RIMS1: variants seen among roughly 807,000 people sequenced by gnomAD.
RIMS1 encodes the protein regulating synaptic membrane exocytosis protein 1.
RIMS1 carries 83 observed loss-of-function variants against 214.1 expected under a neutral mutation model. The observed-to-expected ratio is 0.39, with a 90% CI of 0.32 to 0.47. The LOEUF (loss-of-function observed/expected upper bound fraction) is 0.47. RIMS1 is among the 20% of genes least tolerant of loss of function. The pLI is 0.99. For synonymous variants in RIMS1, 793 were observed against 786.8 expected (o/e 1.01, Z -0.13); for missense variants, 2,050 against 2,161.8 (o/e 0.95, Z 1.03).
intron 2 of RIMS1, among the ~76,000 whole-genome samples, chr6:72,054,090 C>G (rs1028404702): frequency 1.3e-5 from 2 of 152,018 alleles, no homozygotes; most frequent in South Asian, 2.1e-4. Context: ...CACCACCCCC[C>G]AAACTGGCCC....
At chr6:71,992,020 C>T (rs1584350994) in intron 2 of RIMS1, among the ~76,000 whole-genome samples, 1 of 151,702 alleles carries the variant, frequency 6.6e-6, no homozygotes, top group Non-Finnish European at 1.5e-5. Context: ...GCTGAGATCA[C>T]GCCACTGCAC....
intron 1 of RIMS1, among the ~76,000 whole-genome samples, chr6:71,930,678 T>G (rs1782769629): frequency 6.6e-6 from 1 of 152,082 alleles, no homozygotes; most frequent in Admixed American, 6.6e-5. Context: ...TGATTTCCCT[T>G]GTCTTTGACA....
chr6:72,217,109 G>A, intron 6 of RIMS1: 1 of 1,527,806 alleles, frequency 6.5e-7, no homozygotes, highest in Non-Finnish European at 8.8e-7. Context: ...TAATTGTGTT[G>A]TGCATTTGCT....
chr6:71,950,260 A>G (rs2151116506), intron 1 of RIMS1, among the ~76,000 whole-genome samples: 1 of 152,280 alleles, frequency 6.6e-6, no homozygotes, highest in East Asian at 1.9e-4. Flanking sequence ...TTTGGGTGAT[A>G]CAAGTGTTCT....
chr6:71,896,638 G>A (rs995335787), intron 1 of RIMS1, among the ~76,000 whole-genome samples: 1 of 152,070 alleles, frequency 6.6e-6, no homozygotes, highest in Non-Finnish European at 1.5e-5. Flanking sequence ...TATGACATAC[G>A]CACTTTGGGA....
intron 27 of RIMS1, among the ~76,000 whole-genome samples, chr6:72,309,329 A>G (rs2095395027): frequency 6.6e-6 from 1 of 152,090 alleles, no homozygotes; most frequent in Non-Finnish European, 1.5e-5. Context: ...AAATAACTCA[A>G]AATCTTCTAC....
At chr6:72,316,810 G>T (rs1593192232) in intron 28 of RIMS1, 1 of 766,962 alleles carries the variant, frequency 1.3e-6, no homozygotes, top group African/African-American at 1.7e-5. Context: ...TAGGTGGGTG[G>T]TGGTGCCAAG....
intron 6 of RIMS1, among the ~76,000 whole-genome samples, chr6:72,204,598 C>G (rs2052590555): frequency 6.6e-6 from 1 of 152,196 alleles, no homozygotes; most frequent in South Asian, 2.1e-4. Flanking sequence ...CTCAATCGTT[C>G]TCTTTGAATA....
At chr6:72,397,740 C>A (rs1343424804) in intron 31 of RIMS1, among the ~76,000 whole-genome samples, 1 of 152,078 alleles carries the variant, frequency 6.6e-6, no homozygotes, top group Non-Finnish European at 1.5e-5. Context: ...AATGACATGT[C>A]CATGCAGTAG....
chr6:71,991,039 A>G (rs1584329543), intron 2 of RIMS1, among the ~76,000 whole-genome samples: 1 of 152,210 alleles, frequency 6.6e-6, no homozygotes, highest in Non-Finnish European at 1.5e-5. Flanking sequence ...GTCTCAAACT[A>G]TATTTGAGGA....
intron 4 of RIMS1, among the ~76,000 whole-genome samples, chr6:72,110,063 C>A (rs1176820489): frequency 6.6e-6 from 1 of 152,098 alleles, no homozygotes; most frequent in Non-Finnish European, 1.5e-5. Flanking sequence ...TTATCTATAT[C>A]TCTGTTTTGG....
At chr6:71,922,455 G>A (rs1238350569) in intron 1 of RIMS1, among the ~76,000 whole-genome samples, 2 of 152,096 alleles carry the variant, frequency 1.3e-5, no homozygotes, top group Admixed American at 6.6e-5. Flanking sequence ...CAGGTGGATC[G>A]ATTGAGCCTT....
At chr6:71,910,136 G>A (rs1776445167) in intron 1 of RIMS1, among the ~76,000 whole-genome samples, 1 of 152,024 alleles carries the variant, frequency 6.6e-6, no homozygotes, top group South Asian at 2.1e-4. Context: ...AGAGAGAGAG[G>A]TACTTATCTG....
chr6:71,892,783 G>A (rs749772218), intron 1 of RIMS1, among the ~76,000 whole-genome samples: 7 of 152,110 alleles, frequency 4.6e-5, no homozygotes, highest in Non-Finnish European at 7.3e-5. Context: ...GGCTGCTGGG[G>A]TAGAATAAAG....
intron 1 of RIMS1, among the ~76,000 whole-genome samples, chr6:71,940,639 T>G (rs935367819): frequency 6.6e-6 from 1 of 152,168 alleles, no homozygotes; most frequent in African/African-American, 2.4e-5. Context: ...TGAATTCTGC[T>G]AAAACAAAAT....
At chr6:72,222,552 GATAA>G (rs1378405492) in intron 6 of RIMS1, among the ~76,000 whole-genome samples, 1 of 152,088 alleles carries the variant, frequency 6.6e-6, no homozygotes, top group African/African-American at 2.4e-5. Context: ...TTGTTGCGTT[GATAA>G]ATAATGACTT....
chr6:72,358,466 C>T (rs2097717008), intron 29 of RIMS1, among the ~76,000 whole-genome samples: 1 of 151,930 alleles, frequency 6.6e-6, no homozygotes, highest in African/African-American at 2.4e-5. Context: ...TCCAGAATTA[C>T]TGGTTAGCAA....
chr6:72,150,819 A>G (rs1294240727), intron 4 of RIMS1, among the ~76,000 whole-genome samples: 1 of 152,044 alleles, frequency 6.6e-6, no homozygotes, highest in Non-Finnish European at 1.5e-5. Flanking sequence ...CCTCAAATTG[A>G]GGACATCTGC....
chr6:72,172,060 A>T (rs185532851), intron 4 of RIMS1, among the ~76,000 whole-genome samples: 161 of 152,272 alleles, frequency 1.1e-3, no homozygotes, highest in African/African-American at 3.7e-3. Flanking sequence ...TAATAAAAAA[A>T]CTATATCAAG....
Sources: gnomAD v4.1 joint callset for allele counts (sites outside exome capture counted in the v4.1 genomes callset) on GRCh38, gnomAD v4.1.1 for gene constraint, MANE v1.5 for transcripts, NCBI Gene and HGNC (gene_info 2026-07-23, HGNC 2026-07-21) for gene names.